The following MIPOL1 variants were observed in gnomAD, a reference collection of about 807,000 sequenced individuals.
MIPOL1 encodes the protein mirror-image polydactyly gene 1 protein.
MIPOL1 carries 57 observed loss-of-function variants against 60.9 expected under a neutral mutation model. That is an observed-to-expected ratio of 0.94 (90% CI 0.76 to 1.17). The LOEUF is 1.17. MIPOL1 is among the 50% of genes most tolerant of loss of function. MIPOL1 has a pLI of 0.00. For synonymous variants in MIPOL1, 179 were observed against 168.8 expected (o/e 1.06, Z -0.47); for missense variants, 551 against 511.6 (o/e 1.08, Z -0.74).
intron 9 of MIPOL1, among the ~76,000 whole-genome samples, chr14:37,312,111 T>A (rs2087393047): frequency 6.6e-6 from 1 of 152,166 alleles, no homozygotes; most frequent in Non-Finnish European, 1.5e-5. Flanking sequence ...TTTAATTAAC[T>A]TTTTACTTAC....
intron 11 of MIPOL1, among the ~76,000 whole-genome samples, chr14:37,496,001 T>G (rs1217558088): frequency 6.6e-6 from 1 of 150,838 alleles, no homozygotes; most frequent in Non-Finnish European, 1.5e-5. Flanking sequence ...TAAATTTGTT[T>G]GAGTTCATTG....
At chr14:37,512,738 A>C (rs1453546948) in intron 12 of MIPOL1, among the ~76,000 whole-genome samples, 1 of 152,138 alleles carries the variant, frequency 6.6e-6, no homozygotes, top group African/African-American at 2.4e-5. Context: ...ATATCCAAAC[A>C]ATATAAGTAC....
chr14:37,225,774 A>G (rs985285425), intron 1 of MIPOL1, among the ~76,000 whole-genome samples: 1 of 152,154 alleles, frequency 6.6e-6, no homozygotes, highest in African/African-American at 2.4e-5. Flanking sequence ...CTCCTCAGAA[A>G]ATGGGATTTT....
intron 10 of MIPOL1, among the ~76,000 whole-genome samples, chr14:37,385,341 G>A (rs1481443724): frequency 6.6e-6 from 1 of 152,050 alleles, no homozygotes. Flanking sequence ...TTATTCTGAG[G>A]TGTTGAAAGG....
In MIPOL1 at chr14:37,314,453, G is replaced by C. The variant is rs372614916; in HGVS notation, c.828+5934G>C. Among the ~76,000 whole-genome samples, 18 of 152,180 alleles carry C rather than the reference G, an allele frequency of 1.2e-4. No homozygotes were observed. In the East Asian group the frequency reaches 1.4e-3, roughly 11 times the overall value. ...TAATGAAGAAAATTCTAGGAAGACT[G>C]CTGAAGAATGCATGGAAAGTGCATT... is the stretch of plus-strand genomic sequence containing the variant. On this transcript the variant is annotated intron_variant, in intron 9 of 12. Coordinates refer to ENST00000684589, the MANE Select transcript of MIPOL1 (RefSeq NM_001388067.1).
intron 6 of MIPOL1, chr14:37,278,361 A>C (rs576806255): frequency 1.3e-5 from 2 of 151,716 alleles, no homozygotes; most frequent in African/African-American, 4.8e-5. Flanking sequence ...TGGTGGTTTT[A>C]TAAATGTTAA....
chr14:37,207,408 T>G (rs1471936765), intron 1 of MIPOL1, among the ~76,000 whole-genome samples: 2 of 152,206 alleles, frequency 1.3e-5, no homozygotes, highest in Non-Finnish European at 2.9e-5. Context: ...TTGCCTAGTC[T>G]TGGGTATGTT....
intron 3 of MIPOL1, among the ~76,000 whole-genome samples, chr14:37,251,866 C>T (rs1024976200): frequency 1.3e-5 from 2 of 151,812 alleles, no homozygotes; most frequent in African/African-American, 2.4e-5. Context: ...CCTAAGTATA[C>T]ATACTTGCAA....
intron 10 of MIPOL1, among the ~76,000 whole-genome samples, chr14:37,387,176 G>A (rs1004660169): frequency 1.3e-5 from 2 of 151,834 alleles, no homozygotes; most frequent in Admixed American, 6.6e-5. Flanking sequence ...TAATGAAACT[G>A]TGAGGAAAAT....
intron 10 of MIPOL1, among the ~76,000 whole-genome samples, chr14:37,389,574 C>T (rs2144584): frequency 0.99 from 149,411 of 151,180 alleles, 73,852 homozygotes; most frequent in Middle Eastern, 1. Flanking sequence ...TTTGGATTCT[C>T]GAGAATCTTT....
At chr14:37,257,103 G>GTGTA (rs928254666) in intron 3 of MIPOL1, among the ~76,000 whole-genome samples, 5 of 149,732 alleles carry the variant, frequency 3.3e-5, no homozygotes, top group Non-Finnish European at 6.0e-5. Context: ...TTTTGTGTGT[G>GTGTA]TGTGTGTGTG....
intron 6 of MIPOL1, among the ~76,000 whole-genome samples, chr14:37,281,258 A>T (rs1013061782): frequency 7.2e-5 from 11 of 152,170 alleles, no homozygotes; most frequent in African/African-American, 2.4e-4. Flanking sequence ...TTTATTGAAG[A>T]GATTGTACTT....
chr14:37,362,250 G>A (rs1025693785), intron 9 of MIPOL1, among the ~76,000 whole-genome samples: 1 of 152,168 alleles, frequency 6.6e-6, no homozygotes, highest in African/African-American at 2.4e-5. Context: ...GCTAGTACTG[G>A]TTGTTCCTTT....
intron 9 of MIPOL1, among the ~76,000 whole-genome samples, chr14:37,346,579 C>G (rs929434345): frequency 2.6e-5 from 4 of 152,000 alleles, no homozygotes; most frequent in Non-Finnish European, 5.9e-5. Context: ...CACACACAGC[C>G]TTTCTAGAAA....
intron 11 of MIPOL1, among the ~76,000 whole-genome samples, chr14:37,424,044 G>A (rs2093920297): frequency 6.6e-6 from 1 of 152,102 alleles, no homozygotes; most frequent in African/African-American, 2.4e-5. Context: ...TGTTGCTCAT[G>A]TTCATAATTG....
In MIPOL1 at chr14:37,506,956, C is replaced by A. The variant is rs111766655; in HGVS notation, c.1262+6818C>A. ...AAAGTGGGCCAAGGATATGAATAGA[C>A]CCTTCTCAAAAGAAGATATTTATGC... On this transcript the variant is annotated intron_variant, in intron 12 of 12. Transcript: ENST00000684589. The A allele has an allele frequency of 9.2e-5, 14 of 152,274 alleles. 1 individual carries two copies. The highest frequency in any genetic ancestry group is 3.4e-4 in the African/African-American group (14 of 41,552). 9.4% of individuals were successfully genotyped at this position (152,274 alleles called of 1,614,324 possible).
At chr14:37,390,642 G>C (rs112460295) in intron 10 of MIPOL1, among the ~76,000 whole-genome samples, 2 of 151,848 alleles carry the variant, frequency 1.3e-5, no homozygotes, top group African/African-American at 4.8e-5. Flanking sequence ...AATTCTAATC[G>C]TAATGAGCAC....
At chr14:37,524,198 TG>T (rs1371284779) in intron 12 of MIPOL1, among the ~76,000 whole-genome samples, 1 of 152,164 alleles carries the variant, frequency 6.6e-6, no homozygotes, top group Non-Finnish European at 1.5e-5. Flanking sequence ...TAACACTGAC[TG>T]CTATGTGGAA....
chr14:37,476,301 G>C (rs1350991639), intron 11 of MIPOL1, among the ~76,000 whole-genome samples: 1 of 151,966 alleles, frequency 6.6e-6, no homozygotes, highest in Non-Finnish European at 1.5e-5. Flanking sequence ...TGTTTGGTTG[G>C]TTGGTTGATT....
Sources: gnomAD v4.1 joint callset for allele counts (sites outside exome capture counted in the v4.1 genomes callset) on GRCh38, gnomAD v4.1.1 for gene constraint, MANE v1.5 for transcripts, NCBI Gene and HGNC (gene_info 2026-07-23, HGNC 2026-07-21) for gene names.